Variants in SMC3 observed in about 807,000 individuals in gnomAD.
SMC3 encodes the protein structural maintenance of chromosomes protein 3.
A neutral mutation model predicts 171.8 loss-of-function variants in SMC3; 20 were observed. That is an observed-to-expected ratio of 0.12 (90% CI 0.08 to 0.17). The LOEUF (loss-of-function observed/expected upper bound fraction) is 0.17, where lower values mean the gene tolerates loss of function less well. SMC3 is among the 10% of genes least tolerant of loss of function. The probability of loss-of-function intolerance (pLI) is 1.00; values close to 1 mark genes in which losing one functional copy is unlikely to be tolerated. For missense variants in SMC3, 543 were observed against 1,420.4 expected, an observed-to-expected ratio of 0.38 and a Z score of 9.93; for synonymous variants, 464 against 451.1, an observed-to-expected ratio of 1.03 and a Z score of -0.36.
intron 4 of SMC3, among the ~76,000 whole-genome samples, chr10:110,576,354 A>AGATATTTT (rs1491109467): frequency 6.6e-6 from 1 of 152,154 alleles, no homozygotes; most frequent in Admixed American, 6.5e-5. Flanking sequence ...ATATTTTATT[A>AGATATTTT]AGTGGGTCCT....
chr10:110,599,838 G>T, intron 21 of SMC3, 26 bp downstream of exon 21: 13 of 1,611,664 alleles, frequency 8.1e-6, no homozygotes, highest in South Asian at 1.1e-5. Context: ...ACTGGAAAAA[G>T]AATTCGTTAG....
At chr10:110,572,210 G>A (rs1385661897) in intron 2 of SMC3, among the ~76,000 whole-genome samples, 2 of 152,080 alleles carry the variant, frequency 1.3e-5, no homozygotes, top group East Asian at 1.9e-4. Flanking sequence ...TTTACACCAT[G>A]GTCCTTTACC....
At chr10:110,603,046 T>C (rs1378884059) in intron 27 of SMC3, 44 bp downstream of exon 27, 1 of 1,597,302 alleles carries the variant, frequency 6.3e-7, no homozygotes, top group Non-Finnish European at 8.6e-7. Flanking sequence ...AACAATAAGC[T>C]GGTAATATTT....
At chr10:110,589,747 A>G (rs1205392233) in intron 14 of SMC3, 39 bp downstream of exon 14, 2 of 1,444,010 alleles carry the variant, frequency 1.4e-6, no homozygotes, top group African/African-American at 1.4e-5. Flanking sequence ...GTTTTCAGTA[A>G]TGTTCGTTAC....
At chr10:110,577,357 G>T (rs1590551895) in intron 4 of SMC3, 64 bp from the exon 5 acceptor site, 2 of 1,246,472 alleles carry the variant, frequency 1.6e-6, no homozygotes, top group East Asian at 4.6e-5. Flanking sequence ...TAGACTTTAA[G>T]AATCCTTTAA....
At chr10:110,602,233 CTT>C in intron 25 of SMC3, 55 bp downstream of exon 25, 1 of 1,481,870 alleles carries the variant, frequency 6.7e-7, no homozygotes. Context: ...GCTTCCAGCT[CTT>C]TTCAGTTTGT....
Position 110,567,760 on chromosome 10 carries a change from C to T in SMC3, c.-57C>T, listed in dbSNP as rs1302093615. The T allele has an allele frequency of 8.7e-6, 14 of 1,608,474 alleles. No homozygotes were observed. The highest frequency in any genetic ancestry group is 1.7e-5 in the Admixed American group (1 of 59,960). On this transcript the variant is annotated 5_prime_UTR_variant, in exon 1 of 29. Coordinates refer to ENST00000361804, the MANE Select transcript of SMC3 (RefSeq NM_005445.4). ...CGCGTAGGCGCCTCACCTGACCCTG[C>T]GGCCGTGCGGTTGCTGCTCCGGGGC...
intron 3 of SMC3, among the ~76,000 whole-genome samples, chr10:110,574,016 T>C (rs1337302782): frequency 2.6e-5 from 4 of 152,198 alleles, no homozygotes; most frequent in Non-Finnish European, 4.4e-5. Context: ...ATGTTTGCCC[T>C]GTCTACCTTA....
At chr10:110,582,338 A>G (rs1418466568) in intron 9 of SMC3, among the ~76,000 whole-genome samples, 1 of 122,712 alleles carries the variant, frequency 8.1e-6, no homozygotes, top group Non-Finnish European at 1.8e-5. Flanking sequence ...ATGAGAGGAA[A>G]GCCATTTTGA....
At chr10:110,598,674 G>T (rs192549517) in intron 20 of SMC3, among the ~76,000 whole-genome samples, 2 of 152,224 alleles carry the variant, frequency 1.3e-5, no homozygotes, top group African/African-American at 4.8e-5. Flanking sequence ...CCGAAGTGCT[G>T]GGATTACAAG....
intron 20 of SMC3, 70 bp from the exon 21 acceptor site, chr10:110,599,580 AGATT>A (rs1454057890): frequency 2.0e-5 from 27 of 1,341,154 alleles, no homozygotes; most frequent in Middle Eastern, 3.8e-4. Context: ...AATCAAATAT[AGATT>A]GTTTTAAAAT....
At chr10:110,599,330 C>T (rs937826253) in intron 20 of SMC3, among the ~76,000 whole-genome samples, 1 of 152,090 alleles carries the variant, frequency 6.6e-6, no homozygotes, top group Non-Finnish European at 1.5e-5. Context: ...CTCCTGACCT[C>T]GTGATCCACC....
chr10:110,576,480 A>G lies in SMC3; in HGVS notation c.199-941A>G, dbSNP rs900801586. Among the ~76,000 whole-genome samples, 17 of 152,326 alleles carry G rather than the reference A, an allele frequency of 1.1e-4. No homozygotes were observed. The East Asian group carries it at 3.3e-3, about 29-fold the overall frequency. ...TGTGATGTGGAAAAAAATATGAGTA[A>G]TGGACTAAAGTAATTTTAGGATAGA... is the stretch of plus-strand genomic sequence containing the variant. On this transcript the variant is annotated intron_variant, in intron 4 of 28. Transcript: ENST00000361804.
At chr10:110,598,961 T>A (rs1351533739) in intron 20 of SMC3, among the ~76,000 whole-genome samples, 1 of 151,596 alleles carries the variant, frequency 6.6e-6, no homozygotes, top group African/African-American at 2.4e-5. Context: ...AACTTATAAG[T>A]GATAGTGTGT....
At chr10:110,602,423 T>C (rs1399210169) in intron 25 of SMC3, 51 bp from the exon 26 acceptor site, 3 of 1,409,782 alleles carry the variant, frequency 2.1e-6, no homozygotes, top group Non-Finnish European at 3.0e-6. Context: ...TACTTAAGTG[T>C]TATATATAAT....
At position 110,602,461 on chromosome 10, in the gene SMC3, CTT is replaced by C; in HGVS notation, c.3106-10_3106-9del. On this transcript the variant is annotated splice_polypyrimidine_tract_variant and intron_variant, in intron 25 of 28. Transcript: ENST00000361804. Reference sequence around the variant, plus strand: ...TAAGCAAAATTTATATTTCAATCTGCTTTTGTTTTAAGGTATCTAAGAACTTC... The same window carrying C: ...TAAGCAAAATTTATATTTCAATCTGCTTGTTTTAAGGTATCTAAGAACTTC... 2 of 1,605,542 alleles carry C rather than the reference CTT, an allele frequency of 1.2e-6. No individual in the cohort carries two copies. Among genetic ancestry groups the C allele is most frequent in the Non-Finnish European group, 1.7e-6 (2 of 1,173,828 alleles).
At chr10:110,569,736 G>A (rs1860841992) in intron 2 of SMC3, among the ~76,000 whole-genome samples, 1 of 152,192 alleles carries the variant, frequency 6.6e-6, no homozygotes, top group Non-Finnish European at 1.5e-5. Flanking sequence ...GGGCTGTTGA[G>A]AAGATTAAAT....
chr10:110,589,839 A>G (rs1354168674), intron 14 of SMC3, 53 bp from the exon 15 acceptor site: 4 of 1,539,332 alleles, frequency 2.6e-6, no homozygotes, highest in East Asian at 4.5e-5. Flanking sequence ...TATACTGTTA[A>G]TGCATCCTCA....
intron 2 of SMC3, among the ~76,000 whole-genome samples, chr10:110,569,214 A>T (rs1411637038): frequency 6.6e-6 from 1 of 150,654 alleles, no homozygotes; most frequent in African/African-American, 2.5e-5. Flanking sequence ...TAAGACACTC[A>T]TAAGTTATCC....
Sources: gnomAD v4.1 joint callset for allele counts (sites outside exome capture counted in the v4.1 genomes callset) on GRCh38, gnomAD v4.1.1 for gene constraint, MANE v1.5 for transcripts, NCBI Gene and HGNC (gene_info 2026-07-23, HGNC 2026-07-21) for gene names.